Variants in RHOU observed in about 807,000 individuals in gnomAD.
RHOU encodes the protein ras homolog family member U, also known as rho-related GTP-binding protein RhoU.
RHOU carries 8 observed loss-of-function variants against 12.6 expected under a neutral mutation model. The observed-to-expected ratio is 0.64, with a 90% confidence interval of 0.37 to 1.15. The LOEUF is 1.15. RHOU is among the 50% of genes most tolerant of loss of function. RHOU has a pLI of 0.01. For missense variants in RHOU, 258 were observed against 347.0 expected (o/e 0.74, Z 2.04); for synonymous variants, 161 against 147.4 (o/e 1.09, Z -0.67).
chr1:228,668,322 C>G, the RHOU span, among the ~76,000 whole-genome samples: 1 of 152,186 alleles, frequency 6.6e-6, no homozygotes, highest in Non-Finnish European at 1.5e-5. Context: ...GTGTGCTCTT[C>G]TAGCAAATAT....
the RHOU span, among the ~76,000 whole-genome samples, chr1:228,701,269 C>G: frequency 6.6e-6 from 1 of 152,026 alleles, no homozygotes; most frequent in African/African-American, 2.4e-5. Flanking sequence ...AAAGTATGAC[C>G]ACAGGTCACT....
the RHOU span, among the ~76,000 whole-genome samples, chr1:228,674,426 A>C: frequency 6.7e-6 from 1 of 149,650 alleles, no homozygotes; most frequent in Non-Finnish European, 1.5e-5. Flanking sequence ...GGCTCACTGC[A>C]ACCTCTGCCT....
chr1:228,707,237 A>ATATATATACATATATATATACATATG, the RHOU span, among the ~76,000 whole-genome samples: 3 of 36,480 alleles, frequency 8.2e-5, no homozygotes, highest in East Asian at 7.8e-4. Context: ...ATACATATGT[A>ATATATATACATATATATATACATATG]TATATATATA....
the RHOU span, among the ~76,000 whole-genome samples, chr1:228,699,236 A>C: frequency 1.3e-5 from 2 of 151,728 alleles, no homozygotes; most frequent in Non-Finnish European, 2.9e-5. Flanking sequence ...GCTTGAGGCC[A>C]GGAGTTCAAG....
chr1:228,659,970 A>AC, the RHOU span, among the ~76,000 whole-genome samples: 18,915 of 131,344 alleles, frequency 0.14, 1,593 homozygotes, highest in South Asian at 0.23. Flanking sequence ...AAAAAACAAA[A>AC]AAAAAAAAAA....
Position 228,738,833 on chromosome 1 carries a change from A to G in RHOU, c.321+1102A>G, listed in dbSNP as rs961630463. 6.6e-6 allele frequency among the ~76,000 whole-genome samples: 1 copy of G among 152,220 alleles called. No individual in the cohort carries two copies. The highest frequency in any genetic ancestry group is 1.5e-5 in the Non-Finnish European group (1 of 68,038). Reference sequence around the variant, plus strand: ...GCACTGTCCGTATTGTATTGTCTGTAGAAAACAAAAATCAGGCTGGGTGTG... The same window carrying G: ...GCACTGTCCGTATTGTATTGTCTGTGGAAAACAAAAATCAGGCTGGGTGTG... On this transcript the variant is annotated intron_variant, in intron 2 of 2. Coordinates refer to ENST00000366691, the MANE Select transcript of RHOU (RefSeq NM_021205.6). This position sits in a 1 kb window ranked among gnomAD's most constrained non-coding sequence, Gnocchi z 4.2.
At chr1:228,705,443 A>G in the RHOU span, among the ~76,000 whole-genome samples, 94 of 152,308 alleles carry the variant, frequency 6.2e-4, 1 homozygote, top group East Asian at 0.017. Flanking sequence ...GCAATTAAGC[A>G]TCTCATTTTT....
the RHOU span, among the ~76,000 whole-genome samples, chr1:228,674,733 A>T: frequency 1.6e-3 from 231 of 148,248 alleles, no homozygotes; most frequent in African/African-American, 5.4e-3. Flanking sequence ...TTTTTTTTAA[A>T]TTTTTTTTTA....
the RHOU span, chr1:228,650,064 G>A: frequency 2.5e-6 from 1 of 397,022 alleles, no homozygotes; most frequent in South Asian, 1.9e-5. Context: ...TTCTCTAAAG[G>A]CATCTGCAAT....
At chr1:228,739,337 G>A (rs554597566) in intron 2 of RHOU, among the ~76,000 whole-genome samples, 26 of 152,074 alleles carry the variant, frequency 1.7e-4, no homozygotes, top group Non-Finnish European at 3.1e-4. Context: ...AGGCTGAGAC[G>A]GGTGGATCAT....
At chr1:228,650,287 C>T in the RHOU span, 7 of 464,574 alleles carry the variant, frequency 1.5e-5, no homozygotes, top group African/African-American at 7.9e-5. Context: ...CAAGATGCTC[C>T]GCAAGGAGGC....
the RHOU span, among the ~76,000 whole-genome samples, chr1:228,673,343 C>T: frequency 6.6e-6 from 1 of 152,294 alleles, no homozygotes; most frequent in African/African-American, 2.4e-5. Flanking sequence ...TGGTGAGATT[C>T]ATTCATGTTT....
chr1:228,707,990 C>T, the RHOU span, among the ~76,000 whole-genome samples: 1 of 152,176 alleles, frequency 6.6e-6, no homozygotes, highest in African/African-American at 2.4e-5. Flanking sequence ...AAAACCAAGG[C>T]TCGAGAACTA....
chr1:228,712,607 C>T, the RHOU span, among the ~76,000 whole-genome samples: 3 of 135,532 alleles, frequency 2.2e-5, no homozygotes, highest in African/African-American at 8.5e-5. Flanking sequence ...GGGAGTTGAA[C>T]AATGAGAACA....
chr1:228,647,341 C>G, the RHOU span, among the ~76,000 whole-genome samples: 11 of 152,214 alleles, frequency 7.2e-5, no homozygotes, highest in African/African-American at 2.7e-4. Context: ...GCAGAGTGCG[C>G]CCGCCCTTTT....
At position 228,737,995 on chromosome 1, in the gene RHOU, C is replaced by T. The variant is rs574078596; in HGVS notation, c.321+264C>T. The stretch of plus-strand genomic sequence containing the variant: ...GCAAGGGAGGAAGCAGTGTCAAGAA[C>T]AGCTCTTGTAGGAGTTTCTATTACT... On this transcript the variant is annotated intron_variant, in intron 2 of 2. Transcript: ENST00000366691. The surrounding 1 kb of genome is among the most constrained non-coding windows in gnomAD (Gnocchi z 4.1). Among the ~76,000 whole-genome samples, 1 of 152,208 alleles carries T rather than the reference C, an allele frequency of 6.6e-6. No homozygotes were observed. The highest frequency in any genetic ancestry group is 1.5e-5 in the Non-Finnish European group (1 of 68,042).
chr1:228,651,250 G>A, the RHOU span: 1 of 203,520 alleles, frequency 4.9e-6, no homozygotes, highest in Non-Finnish European at 1.1e-5. Context: ...TAAGCCATTT[G>A]CAGACATTTA....
the RHOU span, chr1:228,687,456 C>T: frequency 4.6e-6 from 7 of 1,528,382 alleles, no homozygotes; most frequent in African/African-American, 1.4e-5. Flanking sequence ...TCACCAATCT[C>T]ATGAGGAGAG....
chr1:228,658,583 TA>T, the RHOU span, among the ~76,000 whole-genome samples: 1 of 152,204 alleles, frequency 6.6e-6, no homozygotes, highest in Non-Finnish European at 1.5e-5. Flanking sequence ...TGTTTTTTAA[TA>T]AATTATCCAA....
Sources: gnomAD v4.1 joint callset for allele counts (sites outside exome capture counted in the v4.1 genomes callset) on GRCh38, gnomAD v4.1.1 for gene constraint, Gnocchi (gnomAD v3.1) non-coding constraint, MANE v1.5 for transcripts, NCBI Gene and HGNC (gene_info 2026-07-23, HGNC 2026-07-21) for gene names.